CROCC2: variants seen among roughly 807,000 people sequenced by gnomAD.
CROCC2 encodes the protein ciliary rootlet coiled-coil protein 2.
CROCC2 carries 163 observed loss-of-function variants against 177.6 expected under a neutral mutation model. That is an observed-to-expected ratio of 0.92 (90% confidence interval 0.81 to 1.05). The LOEUF is 1.05. Among genes scored for constraint, CROCC2 ranks in the 50% least tolerant of loss-of-function variants. The pLI is 0.00. For synonymous variants in CROCC2, 904 were observed against 787.3 expected, an observed-to-expected ratio of 1.15 and a Z score of -2.48; for missense variants, 1,929 against 1,797.8, an observed-to-expected ratio of 1.07 and a Z score of -1.32.
chr2:240,935,926 G>A (rs2059466832), intron 14 of CROCC2, among the ~76,000 whole-genome samples: 1 of 152,236 alleles, frequency 6.6e-6, no homozygotes, highest in Admixed American at 6.5e-5. Context: ...CATCCACACA[G>A]CTGAACTCTG....
intron 28 of CROCC2, among the ~76,000 whole-genome samples, chr2:240,988,202 T>A (rs61143071): frequency 6.6e-6 from 1 of 152,138 alleles, no homozygotes; most frequent in Non-Finnish European, 1.5e-5. Context: ...AGGGAGCACA[T>A]TGGGGCAGCC....
chr2:240,959,622 G>A (rs2059617965), intron 20 of CROCC2, 178 bp downstream of exon 20: 1 of 781,612 alleles, frequency 1.3e-6, no homozygotes, highest in Non-Finnish European at 1.9e-6. Flanking sequence ...TGGGACAAGG[G>A]GCCCTCACAC....
chr2:240,943,216 C>G, intron 14 of CROCC2, among the ~76,000 whole-genome samples: 1 of 152,104 alleles, frequency 6.6e-6, no homozygotes, highest in East Asian at 1.9e-4. Flanking sequence ...CCATGTTGCC[C>G]AGGCTGGTCT....
chr2:240,962,829 C>T (rs1574782111), intron 20 of CROCC2, among the ~76,000 whole-genome samples: 2 of 152,170 alleles, frequency 1.3e-5, no homozygotes, highest in Admixed American at 6.5e-5. Context: ...ACCCCCAGAG[C>T]GTAGGTGCTG....
Position 240,965,796 on chromosome 2 carries a change from C to G in CROCC2, c.3764C>G (p.Ala1255Gly). ...TRKLQEASGV[A>G]DALQARLDQA... is the part of the protein sequence containing the mutation. ...AAGCTGCAGGAAGCCAGTGGTGTGG[C>G]TGATGCTCTCCAGGCTCGCCTGGAC... Residue 1255 changes from alanine (A) to glycine (G), a missense_variant, in exon 24 of 32, where the codon GCT becomes GGT. Around this residue, in one of 3 missense-constraint regions of CROCC2, gnomAD observed 144 missense variants for 205.2 expected, o/e 0.70. Coordinates refer to ENST00000690015, the MANE Select transcript of CROCC2 (RefSeq NM_001351305.2). 1 of 1,480,696 alleles carries G rather than the reference C, an allele frequency of 6.8e-7. No individual in the cohort carries two copies. Among genetic ancestry groups the G allele is most frequent in the Non-Finnish European group, 9.0e-7 (1 of 1,114,160 alleles). The allele number at this position is 1,480,696 out of a possible 1,614,324, so 91.7% of individuals were successfully genotyped here. A position where few individuals can be genotyped will look rare whatever the true frequency, so the allele number is the denominator to read the frequency against.
chr2:240,985,684 ACACACACCCAGGCAC>A (rs2059835528), intron 28 of CROCC2, among the ~76,000 whole-genome samples: 2 of 63,820 alleles, frequency 3.1e-5, no homozygotes, highest in South Asian at 6.9e-4. Flanking sequence ...CACTCACTCC[ACACACACCCAGGCAC>A]TCACTCCACA....
At position 240,960,152 on chromosome 2, in the gene CROCC2, C is replaced by A. The variant is rs2059621827; in HGVS notation, c.3087+708C>A. On this transcript the variant is annotated intron_variant, in intron 20 of 31. Transcript: ENST00000690015. This position sits in a 1 kb window ranked among gnomAD's most constrained non-coding sequence, Gnocchi z 5.0. ...GACCTGGGGCGAAGGGGAATTCGGA[C>A]CCTTGGCCAAGAGGCCCATCGAGCC... 6.6e-6 allele frequency among the ~76,000 whole-genome samples: 1 copy of A among 152,164 alleles called. No homozygotes were observed. The highest frequency in any genetic ancestry group is 2.1e-4 in the South Asian group (1 of 4,836).
chr2:240,943,638 C>A (rs893323334), intron 14 of CROCC2, among the ~76,000 whole-genome samples: 1 of 151,976 alleles, frequency 6.6e-6, no homozygotes, highest in African/African-American at 2.4e-5. Flanking sequence ...CAGGCATATG[C>A]CCGGCTAATT....
chr2:240,935,754 CA>C (rs1271219325), intron 14 of CROCC2, among the ~76,000 whole-genome samples, 166 bp downstream of exon 14: 2 of 150,750 alleles, frequency 1.3e-5, no homozygotes, highest in Non-Finnish European at 3.0e-5. Flanking sequence ...GGGGTGGGGG[CA>C]GGGGGAAGGT....
intron 1 of CROCC2, among the ~76,000 whole-genome samples, chr2:240,912,354 C>G (rs2059293971): frequency 6.6e-6 from 1 of 152,218 alleles, no homozygotes; most frequent in Non-Finnish European, 1.5e-5. Flanking sequence ...ATGCCAATCA[C>G]AAGTCCTGGG....
In CROCC2 at chr2:240,988,764, A is replaced by G; in HGVS notation, c.4577A>G (p.Glu1526Gly). 1.3e-6 allele frequency: 2 copies of G among 1,499,168 alleles called. No individual in the cohort carries two copies. Among genetic ancestry groups the G allele is most frequent in the South Asian group, 1.3e-5 (1 of 76,434 alleles). The allele number at this position is 1,499,168 out of a possible 1,614,324, so 92.9% of individuals were successfully genotyped here. ...RQMEQETLKR[E>G]EDVARLGAEK... ...ATGGAGCAAGAGACACTGAAGAGGG[A>G]GGAGGATGTGGCGAGGCTGGGGGCT... is the stretch of plus-strand genomic sequence containing the variant. The change falls in exon 29 of 32, where the codon GAG becomes GGG. Residue 1526 changes from glutamate to glycine, a missense_variant. Physicochemically the swap from Glu to Gly is moderately conservative, Grantham distance 98. Coordinates refer to ENST00000690015, the MANE Select transcript of CROCC2 (RefSeq NM_001351305.2).
chr2:240,953,797 C>A lies in CROCC2; in HGVS notation c.2830-2062C>A. 9.3e-6 allele frequency among the ~76,000 whole-genome samples: 1 copy of A among 107,750 alleles called. No individual in the cohort carries two copies. The highest frequency in any genetic ancestry group is 3.1e-5 in the African/African-American group (1 of 32,480). The allele number at this position is 107,750 out of a possible 152,430, so 70.7% of individuals were successfully genotyped here. A position where few individuals can be genotyped will look rare whatever the true frequency, so the allele number is the denominator to read the frequency against. On this transcript the variant is annotated intron_variant, in intron 18 of 31. Coordinates refer to ENST00000690015, the MANE Select transcript of CROCC2 (RefSeq NM_001351305.2). This position sits in a 1 kb window ranked among gnomAD's most constrained non-coding sequence, Gnocchi z 4.0. ...TGGAGCAAGAGCCAAAGACCTGGAG[C>A]CGCTGGCCCAGGAGGGGCTGTCTCC...
At chr2:240,913,826 G>T (rs1243581071) in intron 1 of CROCC2, among the ~76,000 whole-genome samples, 3 of 152,282 alleles carry the variant, frequency 2.0e-5, no homozygotes, top group Non-Finnish European at 4.4e-5. Flanking sequence ...ATGGAGCCTG[G>T]CAGGAGGCCA....
At chr2:240,963,885 C>T (rs1190878731) in intron 21 of CROCC2, 112 bp downstream of exon 21, 3 of 1,166,128 alleles carry the variant, frequency 2.6e-6, no homozygotes, top group East Asian at 2.6e-5. Context: ...TGACTTGGGC[C>T]CCACTGATGG....
At chr2:240,964,392 G>A in intron 21 of CROCC2, 74 bp from the exon 22 acceptor site, 1 of 1,525,968 alleles carries the variant, frequency 6.6e-7, no homozygotes, top group Non-Finnish European at 8.9e-7. Flanking sequence ...ACTAGGGGAG[G>A]CAGAGACCTG....
At position 240,933,667 on chromosome 2, in the gene CROCC2, C is replaced by A. The variant is rs1423862509; in HGVS notation, c.1464-3C>A. ...GCCCCAACTCTGCCCCCACCATCCC[C>A]AGGGAGAAGGCTGCTCTGGAGATGG... On this transcript the variant is annotated splice_region_variant and splice_polypyrimidine_tract_variant and intron_variant, in intron 10 of 31. Coordinates refer to ENST00000690015, the MANE Select transcript of CROCC2 (RefSeq NM_001351305.2). 6.5e-7 allele frequency: 1 copy of A among 1,549,932 alleles called. No homozygotes were observed. Among genetic ancestry groups the A allele is most frequent in the South Asian group, 1.2e-5 (1 of 84,020 alleles).
At chr2:240,968,020 C>A in intron 26 of CROCC2, 109 bp from the exon 27 acceptor site, 1 of 1,185,948 alleles carries the variant, frequency 8.4e-7, no homozygotes, top group Non-Finnish European at 1.1e-6. Context: ...AGGATGGACC[C>A]CCACCTCCAC....
At chr2:240,981,633 T>C (rs1034210535) in intron 27 of CROCC2, 4 of 152,200 alleles carry the variant, frequency 2.6e-5, no homozygotes, top group Admixed American at 1.3e-4. Flanking sequence ...GCTTTTCTAC[T>C]GGAAAATTAT....
chr2:240,959,873 C>G (rs74001711), intron 20 of CROCC2: 1 of 158,494 alleles, frequency 6.3e-6, no homozygotes, highest in African/African-American at 2.4e-5. Flanking sequence ...GGTCCCGACG[C>G]GGCTCCTGCT....
Sources: allele counts gnomAD v4.1 joint callset (sites outside exome capture counted in the v4.1 genomes callset), GRCh38; gene constraint gnomAD v4.1.1; regional missense constraint gnomAD v4.1.1; non-coding constraint Gnocchi (gnomAD v3.1); transcripts MANE v1.5; gene names NCBI Gene and HGNC (gene_info 2026-07-23, HGNC 2026-07-21).